The following B4GALT3 variants were observed in gnomAD, a reference collection of about 807,000 sequenced individuals.
The protein encoded by B4GALT3 is beta-1,4-galactosyltransferase 3.
A neutral mutation model predicts 40.7 loss-of-function variants in B4GALT3; 29 were observed. That is an observed-to-expected ratio of 0.71 (90% CI 0.53 to 0.97). The LOEUF is 0.97. Among genes scored for constraint, B4GALT3 ranks in the 50% least tolerant of loss-of-function variants. The probability of loss-of-function intolerance (pLI) is 0.00; values close to 1 mark genes in which losing one functional copy is unlikely to be tolerated. For synonymous variants in B4GALT3, 182 were observed against 203.9 expected (o/e 0.89, Z 0.92); for missense variants, 390 against 522.3 (o/e 0.75, Z 2.47).
At chr1:161,172,452 CCAGGA>C (rs759351526) in intron 6 of B4GALT3, 121 bp from the exon 7 acceptor site, 299 of 823,784 alleles carry the variant, frequency 3.6e-4, no homozygotes, top group Non-Finnish European at 5.4e-4. Context: ...AAAAAAAAGC[CCAGGA>C]CAGAAGTCAA....
chr1:161,175,496 G>A (rs749632580), intron 3 of B4GALT3, among the ~76,000 whole-genome samples: 6 of 152,124 alleles, frequency 3.9e-5, no homozygotes, highest in Non-Finnish European at 5.9e-5. Context: ...TATAGTTGAA[G>A]GCTGGAGAGA....
Position 161,171,855 on chromosome 1 carries a change from T to C in B4GALT3, c.1143A>G (p.Leu381=). The C allele has an allele frequency of 6.2e-7, 1 of 1,614,114 alleles. No individual in the cohort carries two copies. The highest frequency in any genetic ancestry group is 8.5e-7 in the Non-Finnish European group (1 of 1,180,030). Residue 381 remains leucine, a synonymous_variant, in exon 8 of 8, where the codon CTA becomes CTG. Coordinates refer to ENST00000319769, the MANE Select transcript of B4GALT3 (RefSeq NM_003779.4). ...GGAGGGCTGTGTGGTTGGCAGTAGA[T>C]AGAGGCCCAGGCCTGGCTGGGGGCC... The part of the protein sequence containing the change: ...QRRPPARPGP[L]STANHTALRG...
chr1:161,172,934 A>T (rs1162954005), intron 6 of B4GALT3, among the ~76,000 whole-genome samples: 1 of 152,150 alleles, frequency 6.6e-6, no homozygotes, highest in East Asian at 1.9e-4. Flanking sequence ...GGACCTTAAA[A>T]GAAACAAACT....
Position 161,173,851 on chromosome 1 carries a change from C to T in B4GALT3, c.680+8G>A, listed in dbSNP as rs781081815. 3 of 1,612,876 alleles carry T rather than the reference C, an allele frequency of 1.9e-6. No homozygotes were observed. Among genetic ancestry groups the T allele is most frequent in the Admixed American group, 1.7e-5 (1 of 59,974 alleles). ...CCCTGTTTCCCAGTACCCTTCCATG[C>T]CCTCTACCTGTATCCAAACTTGTTC... On this transcript the variant is annotated splice_region_variant and intron_variant, in intron 5 of 7. Transcript: ENST00000319769.
upstream of B4GALT3, chr1:161,177,571 G>A (rs543521317): frequency 4.3e-5 from 7 of 162,238 alleles, no homozygotes; most frequent in East Asian, 1.2e-3. Context: ...TAGGCACCCG[G>A]TCCCAGACAC....
Position 161,171,614 on chromosome 1 carries a change from A to C in B4GALT3, c.*202T>G. The C allele has an allele frequency of 1.5e-6, 1 of 671,682 alleles. No homozygotes were observed. The highest frequency in any genetic ancestry group is 2.5e-6 in the Non-Finnish European group (1 of 402,738). 41.6% of individuals were successfully genotyped at this position (671,682 alleles called of 1,614,324 possible). On this transcript the variant is annotated 3_prime_UTR_variant, in exon 8 of 8. Transcript: ENST00000319769. ...TCAAGGATTCACAGTCATAAGCCCTACAGGAGACCCTAGAGAGAGGGACCC... is the reference window on the plus strand; with the variant it reads ...TCAAGGATTCACAGTCATAAGCCCTCCAGGAGACCCTAGAGAGAGGGACCC...
At position 161,175,816 on chromosome 1, in the gene B4GALT3, G is replaced by GGA; in HGVS notation, c.243_244dup (p.Pro82LeufsTer4). ...CTTCCTCCTGCACTTACCTAAGAGA[G>GGA]GAGATCGTTCTGGACAGTAGGGCAG... On this transcript the variant is annotated frameshift_variant, in exon 3 of 8. Transcript: ENST00000319769. LOFTEE classifies it high-confidence loss of function. The GGA allele has an allele frequency of 1.2e-6, 2 of 1,614,088 alleles. No individual in the cohort carries two copies. The highest frequency in any genetic ancestry group is 1.7e-6 in the Non-Finnish European group (2 of 1,179,980).
In B4GALT3 at chr1:161,171,441, G is replaced by A. The variant is rs1328843416; in HGVS notation, c.*375C>T. ...GCTTCCTTCACCAAACAACTTCCCG[G>A]GAACCATAAATAGAATAAATATTCA... On this transcript the variant is annotated 3_prime_UTR_variant, in exon 8 of 8. Transcript: ENST00000319769. 2.1e-5 allele frequency: 13 copies of A among 618,324 alleles called. No homozygotes were observed. Among genetic ancestry groups the A allele is most frequent in the Non-Finnish European group, 3.3e-5 (12 of 358,216 alleles). The allele number at this position is 618,324 out of a possible 1,614,324, so 38.3% of individuals were successfully genotyped here.
In B4GALT3 at chr1:161,177,409, C is replaced by T; in HGVS notation, c.-161+14G>A. ...TCCCAGGCCTCCGTGTCGACGCATT[C>T]CCAGCGCACATACCTGGTCTTTTGC... On this transcript the variant is annotated intron_variant, in intron 1 of 7. Transcript: ENST00000319769. The T allele has an allele frequency of 3.9e-6, 1 of 254,590 alleles. No individual in the cohort carries two copies. Among genetic ancestry groups the T allele is most frequent in the East Asian group, 9.1e-5 (1 of 11,012 alleles). The allele number at this position is 254,590 out of a possible 1,614,324, so 15.8% of individuals were successfully genotyped here.
At position 161,175,935 on chromosome 1, in the gene B4GALT3, C is replaced by T; in HGVS notation, c.126G>A (p.Gln42=). ...RSLSALFGRD[Q]GPTFDYSHPR... ...GGTGAGAATAGTCAAATGTCGGTCCCTGATCTCGGCCAAATAGGGCACTGA... is the reference window on the plus strand; with the variant it reads ...GGTGAGAATAGTCAAATGTCGGTCCTTGATCTCGGCCAAATAGGGCACTGA... The change falls in exon 3 of 8, where the codon CAG becomes CAA. Residue 42 remains glutamine, a synonymous_variant. Transcript: ENST00000319769. 1 of 1,614,158 alleles carries T rather than the reference C, an allele frequency of 6.2e-7. No homozygotes were observed. Among genetic ancestry groups the T allele is most frequent in the South Asian group, 1.1e-5 (1 of 91,070 alleles).
intron 1 of B4GALT3, chr1:161,176,809 T>C (rs902276293): frequency 5.3e-6 from 8 of 1,505,790 alleles, no homozygotes; most frequent in South Asian, 1.2e-5. Flanking sequence ...GATTGGGGAG[T>C]GGGGACAGGA....
chr1:161,177,328 G>A, intron 1 of B4GALT3, 95 bp downstream of exon 1: 1 of 522,050 alleles, frequency 1.9e-6, no homozygotes, highest in Non-Finnish European at 3.5e-6. Context: ...CCCTGCTCAG[G>A]CTCGTCTCCA....
chr1:161,177,597 T>C (rs1664100890), upstream of B4GALT3: 1 of 159,358 alleles, frequency 6.3e-6, no homozygotes, highest in African/African-American at 2.4e-5. Flanking sequence ...GGCCGGGGGC[T>C]TGTGAGGGAG....
rs1204917180 is a variant in B4GALT3 at position 161,177,193 on chromosome 1, TG to T, written c.-161+229del. 11 of 952,010 alleles carry T rather than the reference TG, an allele frequency of 1.2e-5. No homozygotes were observed. The Admixed American group carries it at 1.3e-4, about 11-fold the overall frequency. 59.0% of individuals were successfully genotyped at this position (952,010 alleles called of 1,614,324 possible). On this transcript the variant is annotated intron_variant, in intron 1 of 7. Transcript: ENST00000319769. Reference sequence around the variant, plus strand: ...ACCTAGAGGGGCGTGGTCCGCGCTGTGGAGGGGGTTAAAACCCAGCTCTTTC... The same window carrying T: ...ACCTAGAGGGGCGTGGTCCGCGCTGTGAGGGGGTTAAAACCCAGCTCTTTC...
chr1:161,173,293 C>A (rs1383648197), intron 6 of B4GALT3, among the ~76,000 whole-genome samples: 2 of 152,202 alleles, frequency 1.3e-5, no homozygotes, highest in Non-Finnish European at 2.9e-5. Flanking sequence ...AGTGGCCTGG[C>A]TGGAACCCCA....
chr1:161,177,355 TCTCA>T, intron 1 of B4GALT3, 64 bp downstream of exon 1: 1 of 435,408 alleles, frequency 2.3e-6, no homozygotes, highest in Non-Finnish European at 4.2e-6. Flanking sequence ...ACCCAAAACT[TCTCA>T]CTCTCTCGAA....
At chr1:161,172,113 A>G in intron 7 of B4GALT3, 24 bp from the exon 8 acceptor site, 2 of 1,612,556 alleles carry the variant, frequency 1.2e-6, no homozygotes, top group South Asian at 1.1e-5. Context: ...GTTGGAGACT[A>G]AGACCCAGAA....
chr1:161,173,837 A>G, intron 5 of B4GALT3, 22 bp downstream of exon 5: 2 of 1,611,548 alleles, frequency 1.2e-6, no homozygotes, highest in Non-Finnish European at 1.7e-6. Flanking sequence ...CCTGTTTCCC[A>G]GTACCCTTCC....
intron 3 of B4GALT3, 102 bp downstream of exon 3, chr1:161,175,706 C>T (rs1663245915): frequency 2.0e-6 from 3 of 1,523,582 alleles, no homozygotes; most frequent in South Asian, 1.3e-5. Flanking sequence ...TACCTATCCT[C>T]TTCTAAGTTC....
Sources: allele counts gnomAD v4.1 joint callset (sites outside exome capture counted in the v4.1 genomes callset), GRCh38; gene constraint gnomAD v4.1.1; transcripts MANE v1.5; gene names NCBI Gene and HGNC (gene_info 2026-07-23, HGNC 2026-07-21).